NFIB: variants seen among roughly 807,000 people sequenced by gnomAD.
NFIB encodes the protein nuclear factor I B.
Under a neutral mutation model 61.5 loss-of-function variants are expected in NFIB, and 11 were observed. That is an observed-to-expected ratio of 0.18 (90% CI 0.11 to 0.30). The LOEUF (loss-of-function observed/expected upper bound fraction) is 0.30. Among genes scored for constraint, NFIB ranks in the 10% least tolerant of loss-of-function variants. The pLI is 1.00. For synonymous variants in NFIB, 260 were observed against 216.5 expected, an observed-to-expected ratio of 1.20 and a Z score of -1.76; for missense variants, 471 against 608.9, an observed-to-expected ratio of 0.77 and a Z score of 2.38.
At chr9:14,279,873 A>T (rs183667312) in intron 2 of NFIB, among the ~76,000 whole-genome samples, 1 of 152,284 alleles carries the variant, frequency 6.6e-6, no homozygotes, top group East Asian at 1.9e-4. Context: ...TTCCTTTTGC[A>T]TATTTCTCAT....
At chr9:14,481,809 C>T in the NFIB span, among the ~76,000 whole-genome samples, 3 of 152,174 alleles carry the variant, frequency 2.0e-5, no homozygotes, top group Non-Finnish European at 4.4e-5. Context: ...CAAAGAGACT[C>T]ACCCAAGGTA....
chr9:14,216,240 T>C (rs763974527), intron 2 of NFIB, among the ~76,000 whole-genome samples: 22 of 152,194 alleles, frequency 1.4e-4, no homozygotes, highest in Non-Finnish European at 2.5e-4. Context: ...ATATAAATAA[T>C]TTTAACTGAT....
intron 1 of NFIB, among the ~76,000 whole-genome samples, chr9:14,326,152 G>C (rs1206134242): frequency 6.6e-6 from 1 of 152,160 alleles, no homozygotes; most frequent in African/African-American, 2.4e-5. Context: ...TGTCCTGTAA[G>C]AGGAAAACCC....
chr9:14,511,822 A>C, the NFIB span, among the ~76,000 whole-genome samples: 1 of 152,210 alleles, frequency 6.6e-6, no homozygotes, highest in Non-Finnish European at 1.5e-5. Flanking sequence ...TGTTTTGATA[A>C]GTCAGAATAT....
chr9:14,229,894 C>G (rs763038318), intron 2 of NFIB, among the ~76,000 whole-genome samples: 1 of 152,200 alleles, frequency 6.6e-6, no homozygotes, highest in Admixed American at 6.5e-5. Flanking sequence ...CTCCGCCTCC[C>G]GGGTTCAAGC....
intron 2 of NFIB, among the ~76,000 whole-genome samples, chr9:14,211,492 G>C (rs1403881249): frequency 6.6e-6 from 1 of 152,160 alleles, no homozygotes; most frequent in African/African-American, 2.4e-5. Flanking sequence ...GAAAAATAAT[G>C]AGAATAGATA....
At chr9:14,237,197 C>T (rs531591220) in intron 2 of NFIB, among the ~76,000 whole-genome samples, 4 of 152,276 alleles carry the variant, frequency 2.6e-5, no homozygotes, top group East Asian at 1.9e-4. Flanking sequence ...TAAAAGGCTA[C>T]GTCACTGAAA....
intron 2 of NFIB, among the ~76,000 whole-genome samples, chr9:14,224,516 A>G (rs1035760671): frequency 1.3e-5 from 2 of 152,250 alleles, no homozygotes; most frequent in African/African-American, 4.8e-5. Context: ...AAAAATATTC[A>G]GAAAACAAAA....
intron 3 of NFIB, among the ~76,000 whole-genome samples, chr9:14,170,220 C>T (rs948614661): frequency 3.3e-5 from 5 of 152,166 alleles, no homozygotes; most frequent in Admixed American, 6.5e-5. Context: ...CCCAGCTTTC[C>T]GTCTGTGAGG....
intron 2 of NFIB, among the ~76,000 whole-genome samples, chr9:14,246,253 C>T (rs2054913148): frequency 6.6e-6 from 1 of 152,180 alleles, no homozygotes; most frequent in African/African-American, 2.4e-5. Context: ...GGATAAAATC[C>T]AATACCTTGC....
At chr9:14,454,251 C>G in the NFIB span, among the ~76,000 whole-genome samples, 1 of 152,206 alleles carries the variant, frequency 6.6e-6, no homozygotes, top group African/African-American at 2.4e-5. Context: ...TTAGACCTGA[C>G]TTGTCAAATG....
At chr9:14,132,777 G>A (rs1053512966) in intron 6 of NFIB, among the ~76,000 whole-genome samples, 1 of 152,114 alleles carries the variant, frequency 6.6e-6, no homozygotes, top group African/African-American at 2.4e-5. Context: ...TATTGCCCAG[G>A]CTGGTCTGGA....
chr9:14,245,578 A>C (rs966746979), intron 2 of NFIB, among the ~76,000 whole-genome samples: 2 of 152,186 alleles, frequency 1.3e-5, no homozygotes, highest in African/African-American at 2.4e-5. Context: ...TACAAGCAAT[A>C]ATAAGTACAC....
chr9:14,110,126 A>G (rs1385347914), intron 10 of NFIB, among the ~76,000 whole-genome samples: 1 of 152,106 alleles, frequency 6.6e-6, no homozygotes, highest in Non-Finnish European at 1.5e-5. Context: ...TAGTAAGCTT[A>G]TGTATTAGAA....
intron 2 of NFIB, among the ~76,000 whole-genome samples, chr9:14,201,489 G>A (rs2049024267): frequency 6.6e-6 from 1 of 151,342 alleles, no homozygotes; most frequent in Non-Finnish European, 1.5e-5. Flanking sequence ...CAAGACAAAC[G>A]CCTAATTCAT....
chr9:14,194,887 G>C (rs1281269936), intron 2 of NFIB, among the ~76,000 whole-genome samples: 1 of 152,040 alleles, frequency 6.6e-6, no homozygotes, highest in Non-Finnish European at 1.5e-5. Context: ...ATAACACTGA[G>C]ATAACGTATT....
chr9:14,430,773 G>T, the NFIB span, among the ~76,000 whole-genome samples: 1 of 152,000 alleles, frequency 6.6e-6, no homozygotes, highest in African/African-American at 2.4e-5. Flanking sequence ...GTAGAGAGGG[G>T]GTTTTGTCAT....
At chr9:14,413,715 T>TG in the NFIB span, among the ~76,000 whole-genome samples, 25 of 152,178 alleles carry the variant, frequency 1.6e-4, no homozygotes, top group African/African-American at 6.0e-4. Flanking sequence ...GCTTGGGACA[T>TG]GGTACAGCTA....
chr9:14,468,615 G>C, the NFIB span, among the ~76,000 whole-genome samples: 5 of 152,162 alleles, frequency 3.3e-5, no homozygotes, highest in Non-Finnish European at 7.3e-5. Context: ...CTCAGGAAAA[G>C]TCTGGAACAC....
Sources: gnomAD v4.1 joint callset for allele counts (sites outside exome capture counted in the v4.1 genomes callset) on GRCh38, gnomAD v4.1.1 for gene constraint, MANE v1.5 for transcripts, NCBI Gene and HGNC (gene_info 2026-07-23, HGNC 2026-07-21) for gene names.